ARF5: variants seen among roughly 807,000 people sequenced by gnomAD.
The protein encoded by ARF5 is ADP-ribosylation factor 5.
In ARF5, 10 loss-of-function variants were observed where a neutral mutation model predicts 24.8. That is an observed-to-expected ratio of 0.40 (90% CI 0.25 to 0.68). ARF5 has a LOEUF of 0.68. Ranked by LOEUF, ARF5 falls within the 30% of genes least tolerant of loss-of-function variation. The pLI, the probability that ARF5 is intolerant of heterozygous loss-of-function variation, is 0.36. For synonymous variants in ARF5, 102 were observed against 95.1 expected (o/e 1.07, Z -0.42); for missense variants, 135 against 239.2 (o/e 0.56, Z 2.87).
At chr7:127,588,908 T>A in intron 1 of ARF5, 175 bp from the exon 2 acceptor site, 1 of 709,788 alleles carries the variant, frequency 1.4e-6, no homozygotes, top group Non-Finnish European at 2.3e-6. Flanking sequence ...CTCTTTGGAG[T>A]TGGCTCACGC....
At chr7:127,588,964 C>G in intron 1 of ARF5, 119 bp from the exon 2 acceptor site, 1 of 1,211,884 alleles carries the variant, frequency 8.3e-7, no homozygotes. Flanking sequence ...CGACGCGCAC[C>G]TGGAGGCGCT....
intron 3 of ARF5, chr7:127,589,825 T>G: frequency 1.6e-6 from 1 of 607,868 alleles, no homozygotes; most frequent in East Asian, 2.7e-5. Context: ...GATTTAGCCC[T>G]CATAACATGT....
At chr7:127,588,590 C>A in intron 1 of ARF5, 25 bp downstream of exon 1, 1 of 1,341,386 alleles carries the variant, frequency 7.5e-7, no homozygotes, top group Non-Finnish European at 9.7e-7. Flanking sequence ...GCGCGCGGCC[C>A]GGACCGGGGC....
At position 127,590,158 on chromosome 7, in the gene ARF5, G is replaced by T. The variant is rs371970454; in HGVS notation, c.330+21G>T. ...AGATGGTGAGTACCCAGAGCCCTGG[G>T]AACTGAGCCCTCAGCTTGGGGACAG... On this transcript the variant is annotated intron_variant, in intron 4 of 5. Transcript: ENST00000000233. 12 of 1,607,308 alleles carry T rather than the reference G, an allele frequency of 7.5e-6. No individual in the cohort carries two copies. In the African/African-American group the frequency reaches 1.3e-4, roughly 18 times the overall value.
intron 4 of ARF5, 38 bp from the exon 5 acceptor site, chr7:127,590,925 A>C: frequency 1.3e-6 from 2 of 1,596,342 alleles, no homozygotes; most frequent in Non-Finnish European, 1.7e-6. Flanking sequence ...AGTAGAGGAG[A>C]CGCAGCCTGG....
chr7:127,589,010 G>C (rs1466545631), intron 1 of ARF5, 73 bp from the exon 2 acceptor site: 68 of 1,540,446 alleles, frequency 4.4e-5, no homozygotes, highest in Non-Finnish European at 5.8e-5. Flanking sequence ...AGCTGTTGTG[G>C]CCTCTCCCTT....
At position 127,590,214 on chromosome 7, in the gene ARF5, G is replaced by A. The variant is rs566265243; in HGVS notation, c.330+77G>A. Reference sequence around the variant, plus strand: ...TCTCTGTAGTGGTATAGAAGTCAGGGAGCCCCCAACAGGCATTGAAGACCA... The same window carrying A: ...TCTCTGTAGTGGTATAGAAGTCAGGAAGCCCCCAACAGGCATTGAAGACCA... On this transcript the variant is annotated intron_variant, in intron 4 of 5. Transcript: ENST00000000233. 4.0e-6 allele frequency: 5 copies of A among 1,256,416 alleles called. No homozygotes were observed. In the South Asian group the frequency reaches 6.0e-5, roughly 15 times the overall value. The allele number at this position is 1,256,416 out of a possible 1,614,324, so 77.8% of individuals were successfully genotyped here. A position where few individuals can be genotyped will look rare whatever the true frequency, so the allele number is the denominator to read the frequency against.
intron 4 of ARF5, 54 bp from the exon 5 acceptor site, chr7:127,590,909 C>A: frequency 6.4e-7 from 1 of 1,566,230 alleles, no homozygotes; most frequent in South Asian, 1.2e-5. Flanking sequence ...GGGAATTCCC[C>A]AACACAGTAG....
intron 4 of ARF5, among the ~76,000 whole-genome samples, chr7:127,590,521 C>T (rs551540893): frequency 2.0e-4 from 31 of 152,044 alleles, no homozygotes; most frequent in Non-Finnish European, 3.5e-4. Context: ...TTAGTAGAGA[C>T]GGGGTTTCAC....
intron 4 of ARF5, 145 bp from the exon 5 acceptor site, chr7:127,590,818 C>T (rs879308791): frequency 2.7e-5 from 30 of 1,110,824 alleles, no homozygotes; most frequent in Non-Finnish European, 3.6e-5. Context: ...TCACCTCAAG[C>T]TCATTTACAA....
chr7:127,590,575 C>T (rs1426502233), intron 4 of ARF5, among the ~76,000 whole-genome samples: 1 of 152,208 alleles, frequency 6.6e-6, no homozygotes, highest in Admixed American at 6.5e-5. Context: ...TCAGGTGATC[C>T]ACCCGTCTTG....
rs763141057 is a variant in ARF5 at position 127,588,553 on chromosome 7, C to A, written c.55C>A (p.Arg19=). ...GCGGATCTTCGGGAAGAAGCAGATGCGGATTCTCATGGGTGAGGCAGATCG... is the reference window on the plus strand; with the variant it reads ...GCGGATCTTCGGGAAGAAGCAGATGAGGATTCTCATGGGTGAGGCAGATCG... ...FSRIFGKKQM[R]ILMVGLDAAG... is the part of the protein sequence containing the mutation. Residue 19 remains arginine, a synonymous_variant, in exon 1 of 6, where the codon CGG becomes AGG. Coordinates refer to ENST00000000233, the MANE Select transcript of ARF5 (RefSeq NM_001662.4). 2.1e-6 allele frequency: 3 copies of A among 1,458,488 alleles called. No homozygotes were observed. The highest frequency in any genetic ancestry group is 1.4e-5 in the South Asian group (1 of 73,800). 90.3% of individuals were successfully genotyped at this position (1,458,488 alleles called of 1,614,324 possible). A position where few individuals can be genotyped will look rare whatever the true frequency, so the allele number is the denominator to read the frequency against.
At position 127,591,606 on chromosome 7, in the gene ARF5, C is replaced by T; in HGVS notation, c.*307C>T. On this transcript the variant is annotated 3_prime_UTR_variant, in exon 6 of 6. Coordinates refer to ENST00000000233, the MANE Select transcript of ARF5 (RefSeq NM_001662.4). ...CTTTTTTTTTTCTGTTTTGGGTGTA[C>T]TCTAGGGGCCAGGTTGGGAGGGGGA... The T allele has an allele frequency of 2.8e-6, 1 of 352,550 alleles. No individual in the cohort carries two copies. The highest frequency in any genetic ancestry group is 5.2e-6 in the Non-Finnish European group (1 of 193,272). The allele number at this position is 352,550 out of a possible 1,614,324, so 21.8% of individuals were successfully genotyped here.
rs1223710373 is a variant in ARF5, at chr7:127,590,972, G to A, written c.340G>A (p.Asp114Asn). 1 of 1,613,350 alleles carries A rather than the reference G, an allele frequency of 6.2e-7. No homozygotes were observed. The highest frequency in any genetic ancestry group is 8.5e-7 in the Non-Finnish European group (1 of 1,179,540). The change falls in exon 5 of 6, where the codon GAC (aspartate) becomes AAC (asparagine). Residue 114 changes from aspartate (D) to asparagine (N), a missense_variant. Asp to Asn is a conservative substitution (Grantham distance 23). Coordinates refer to ENST00000000233, the MANE Select transcript of ARF5 (RefSeq NM_001662.4). ...TCTTCTCCTCTCTCAGCTGCAGGAG[G>A]ACGAGCTGCGGGATGCAGTGCTGCT... ...ADELQKMLQE[D>N]ELRDAVLLVF...
At chr7:127,591,176 C>T in intron 5 of ARF5, 37 bp from the exon 6 acceptor site, 1 of 1,605,936 alleles carries the variant, frequency 6.2e-7, no homozygotes, top group Non-Finnish European at 8.5e-7. Flanking sequence ...TCCTTTTGTT[C>T]CTGGTTGCTG....
At chr7:127,588,997 A>G (rs1212725492) in intron 1 of ARF5, 86 bp from the exon 2 acceptor site, 2 of 1,466,874 alleles carry the variant, frequency 1.4e-6, no homozygotes, top group South Asian at 1.1e-5. Context: ...CCCAGTCACC[A>G]TCAGCTGTTG....
chr7:127,588,488 C>A lies in ARF5; in HGVS notation c.-11C>A. ...CCGCGTCGGTGCCCGCGCCCCTCCC[C>A]GGGCCCCGCCATGGGCCTCACCGTG... On this transcript the variant is annotated 5_prime_UTR_variant, in exon 1 of 6. Coordinates refer to ENST00000000233, the MANE Select transcript of ARF5 (RefSeq NM_001662.4). 1 of 1,437,554 alleles carries A rather than the reference C, an allele frequency of 7.0e-7. No individual in the cohort carries two copies. 89.0% of individuals were successfully genotyped at this position (1,437,554 alleles called of 1,614,324 possible). A position where few individuals can be genotyped will look rare whatever the true frequency, so the allele number is the denominator to read the frequency against.
Position 127,591,207 on chromosome 7 carries a change from C to G in ARF5, c.457-6C>G. 2 of 1,607,556 alleles carry G rather than the reference C, an allele frequency of 1.2e-6. No individual in the cohort carries two copies. Among genetic ancestry groups the G allele is most frequent in the Non-Finnish European group, 8.5e-7 (1 of 1,177,974 alleles). ...TGCTGACCTCTTTCTTTCCTTTTCC[C>G]CACAGTGGTATGTCCAGGCCACCTG... On this transcript the variant is annotated splice_polypyrimidine_tract_variant and splice_region_variant and intron_variant, in intron 5 of 5. Coordinates refer to ENST00000000233, the MANE Select transcript of ARF5 (RefSeq NM_001662.4).
rs1794262451 is a variant in ARF5 at position 127,590,152 on chromosome 7, C to A, written c.330+15C>A. The A allele has an allele frequency of 6.2e-7, 1 of 1,611,068 alleles. No homozygotes were observed. Among genetic ancestry groups the A allele is most frequent in the Non-Finnish European group, 8.5e-7 (1 of 1,177,528 alleles). ...TCCAGAAGATGGTGAGTACCCAGAG[C>A]CCTGGGAACTGAGCCCTCAGCTTGG... On this transcript the variant is annotated intron_variant, in intron 4 of 5. Coordinates refer to ENST00000000233, the MANE Select transcript of ARF5 (RefSeq NM_001662.4).
Sources: gnomAD v4.1 joint callset for allele counts (sites outside exome capture counted in the v4.1 genomes callset) on GRCh38, gnomAD v4.1.1 for gene constraint, MANE v1.5 for transcripts, NCBI Gene and HGNC (gene_info 2026-07-23, HGNC 2026-07-21) for gene names.